The following CRPPA variants were observed in gnomAD, a reference collection of about 807,000 sequenced individuals.
The protein encoded by CRPPA is D-ribitol-5-phosphate cytidylyltransferase.
Under a neutral mutation model 52.0 loss-of-function variants are expected in CRPPA, and 43 were observed. The observed-to-expected ratio is 0.83, with a 90% CI of 0.65 to 1.07. The LOEUF (loss-of-function observed/expected upper bound fraction) is 1.07. Ranked by LOEUF, CRPPA falls within the 50% of genes least tolerant of loss-of-function variation. The pLI, the probability that CRPPA is intolerant of heterozygous loss-of-function variation, is 0.00. For synonymous variants in CRPPA, 250 were observed against 203.5 expected, an observed-to-expected ratio of 1.23 and a Z score of -1.94; for missense variants, 629 against 551.7, an observed-to-expected ratio of 1.14 and a Z score of -1.40.
chr7:16,205,084 A>C (rs1427416838), intron 9 of CRPPA, among the ~76,000 whole-genome samples: 1 of 152,228 alleles, frequency 6.6e-6, no homozygotes, highest in Non-Finnish European at 1.5e-5. Context: ...AGAGGCTTGC[A>C]AACAACTGTC....
chr7:16,412,679 G>A (rs1442979814), intron 1 of CRPPA, among the ~76,000 whole-genome samples: 1 of 152,094 alleles, frequency 6.6e-6, no homozygotes, highest in Non-Finnish European at 1.5e-5. Flanking sequence ...ACCTCACACA[G>A]TGTCTACCGA....
intron 4 of CRPPA, among the ~76,000 whole-genome samples, chr7:16,302,289 C>G (rs1458175080): frequency 1.2e-5 from 1 of 85,206 alleles, no homozygotes; most frequent in Non-Finnish European, 1.9e-5. Context: ...GAGCGAGACT[C>G]TGTCTCAAAA....
rs566870954 is a variant in CRPPA, at chr7:16,374,345, C to T, written c.684+1747G>A. Among the ~76,000 whole-genome samples, 359 of 152,274 alleles carry T rather than the reference C, an allele frequency of 2.4e-3. 2 individuals carry two copies. Among genetic ancestry groups the T allele is most frequent in the African/African-American group, 8.3e-3 (347 of 41,562 alleles). On this transcript the variant is annotated intron_variant, in intron 3 of 9. Transcript: ENST00000407010. Reference sequence around the variant, plus strand: ...CAGGCTCTTCAGCCTTTGAAGGCTGCACTCTCAACTTCTCTACTTTTGAGG... The same window carrying T: ...CAGGCTCTTCAGCCTTTGAAGGCTGTACTCTCAACTTCTCTACTTTTGAGG...
intron 8 of CRPPA, among the ~76,000 whole-genome samples, chr7:16,229,539 C>T (rs919157183): frequency 7.5e-6 from 1 of 132,586 alleles, no homozygotes; most frequent in East Asian, 2.0e-4. Context: ...AAAAACACTA[C>T]ACATTTACTT....
intron 8 of CRPPA, among the ~76,000 whole-genome samples, chr7:16,246,138 C>G (rs1359655988): frequency 6.6e-6 from 1 of 151,972 alleles, no homozygotes; most frequent in Non-Finnish European, 1.5e-5. Context: ...CTTCTCAAAC[C>G]CTGCCACTGC....
chr7:16,300,520 G>T (rs372626440), intron 5 of CRPPA, among the ~76,000 whole-genome samples: 1 of 152,266 alleles, frequency 6.6e-6, no homozygotes, highest in African/African-American at 2.4e-5. Context: ...TAAAATAGTG[G>T]TTCTCTATCA....
At chr7:16,216,270 A>C (rs769156428) in intron 8 of CRPPA, 73 bp from the exon 9 acceptor site, 3 of 986,032 alleles carry the variant, frequency 3.0e-6, no homozygotes, top group Admixed American at 2.8e-5. Context: ...AACATTAAAG[A>C]AGCTCAAAAC....
chr7:16,329,929 G>A (rs1785509401), intron 3 of CRPPA, among the ~76,000 whole-genome samples: 1 of 152,166 alleles, frequency 6.6e-6, no homozygotes, highest in Non-Finnish European at 1.5e-5. Flanking sequence ...ACATAATATT[G>A]ATTGTTTCAA....
chr7:16,142,896 C>T (rs928559529), intron 9 of CRPPA, among the ~76,000 whole-genome samples: 5 of 152,070 alleles, frequency 3.3e-5, no homozygotes, highest in African/African-American at 9.7e-5. Context: ...AATAACAATT[C>T]ACCAAGATGA....
intron 8 of CRPPA, among the ~76,000 whole-genome samples, chr7:16,220,858 G>A (rs1782479145): frequency 6.6e-6 from 1 of 152,124 alleles, no homozygotes; most frequent in Non-Finnish European, 1.5e-5. Context: ...TCGTGAAAAC[G>A]GCCATACTGC....
At chr7:16,259,234 T>C (rs1783729309) in intron 6 of CRPPA, among the ~76,000 whole-genome samples, 1 of 151,968 alleles carries the variant, frequency 6.6e-6, no homozygotes, top group African/African-American at 2.4e-5. Flanking sequence ...TAGAAAATTG[T>C]TTCACATAGG....
intron 9 of CRPPA, among the ~76,000 whole-genome samples, chr7:16,172,408 G>T (rs148399231): frequency 1.3e-5 from 2 of 152,120 alleles, no homozygotes; most frequent in Non-Finnish European, 2.9e-5. Flanking sequence ...CAGAGGGCCC[G>T]TGTGTCCTGC....
intron 3 of CRPPA, among the ~76,000 whole-genome samples, chr7:16,347,613 A>C (rs1280934200): frequency 6.6e-6 from 1 of 152,160 alleles, no homozygotes; most frequent in African/African-American, 2.4e-5. Context: ...AGACCCAGTG[A>C]ATAGACATCT....
intron 8 of CRPPA, among the ~76,000 whole-genome samples, chr7:16,239,559 CAAAAAAAAA>C (rs751232682): frequency 6.3e-5 from 3 of 47,632 alleles, no homozygotes; most frequent in African/African-American, 2.3e-4. Context: ...AAGTCAATAG[CAAAAAAAAA>C]AAAAAAAAAA....
chr7:16,191,591 G>T (rs1372926701), intron 9 of CRPPA, among the ~76,000 whole-genome samples: 1 of 152,088 alleles, frequency 6.6e-6, no homozygotes, highest in African/African-American at 2.4e-5. Flanking sequence ...GAGTGCGCTT[G>T]ATACTTATTT....
At chr7:16,291,612 G>A (rs1401288384) in intron 5 of CRPPA, among the ~76,000 whole-genome samples, 1 of 151,828 alleles carries the variant, frequency 6.6e-6, no homozygotes, top group African/African-American at 2.4e-5. Flanking sequence ...AATAAAGGGA[G>A]GTTAGTGGGT....
chr7:16,214,547 G>A (rs933134756), intron 9 of CRPPA, among the ~76,000 whole-genome samples: 6 of 152,008 alleles, frequency 3.9e-5, no homozygotes, highest in African/African-American at 1.4e-4. Flanking sequence ...TCCCAGACTG[G>A]TGTGCAGGGG....
chr7:16,322,588 G>A (rs1438927017), intron 3 of CRPPA, among the ~76,000 whole-genome samples: 4 of 152,134 alleles, frequency 2.6e-5, no homozygotes, highest in Non-Finnish European at 5.9e-5. Context: ...AGAGAACTGG[G>A]ACTTAACTAA....
At chr7:16,315,730 G>A (rs1020338101) in intron 3 of CRPPA, among the ~76,000 whole-genome samples, 1 of 152,050 alleles carries the variant, frequency 6.6e-6, no homozygotes, top group Non-Finnish European at 1.5e-5. Context: ...AGACTGTGGG[G>A]GCTCCCCTTT....
Sources: allele counts gnomAD v4.1 joint callset (sites outside exome capture counted in the v4.1 genomes callset), GRCh38; gene constraint gnomAD v4.1.1; transcripts MANE v1.5; gene names NCBI Gene and HGNC (gene_info 2026-07-23, HGNC 2026-07-21).